The following DOCK11 variants were observed in gnomAD, a reference collection of about 807,000 sequenced individuals.
DOCK11 encodes the protein dedicator of cytokinesis protein 11.
In DOCK11, 70 loss-of-function variants were observed where a neutral mutation model predicts 169.1. The ratio of observed to expected loss-of-function variants is 0.41; its 90% CI spans 0.34 to 0.51. DOCK11 has a LOEUF of 0.51. Ranked by LOEUF, DOCK11 falls within the 20% of genes least tolerant of loss-of-function variation. The probability of loss-of-function intolerance (pLI) is 0.10; values close to 1 mark genes in which losing one functional copy is unlikely to be tolerated. For synonymous variants in DOCK11, 529 were observed against 541.3 expected (o/e 0.98, Z 0.32); for missense variants, 1,166 against 1,538.8 (o/e 0.76, Z 4.05).
intron 1 of DOCK11, among the ~76,000 whole-genome samples, chrX:118,535,912 G>C (rs752930652): frequency 1.8e-5 from 2 of 111,689 alleles, no homozygotes; most frequent in Non-Finnish European, 3.8e-5. Flanking sequence ...GTTCCTATTG[G>C]GGAAGAGACA....
chrX:118,602,506 C>T (rs905515308), intron 23 of DOCK11, among the ~76,000 whole-genome samples: 13 of 109,869 alleles, frequency 1.2e-4, no homozygotes, highest in Non-Finnish European at 1.9e-4. Context: ...GCTGAGGGTT[C>T]GGTGAACTGA....
Position 118,597,986 on chromosome X carries a change from T to C in DOCK11, c.2386-44T>C, listed in dbSNP as rs1294130706. The C allele has an allele frequency of 4.0e-6, 4 of 996,468 alleles. No individual in the cohort carries two copies. The African/African-American group carries it at 7.6e-5, about 19-fold the overall frequency. 82.1% of individuals were successfully genotyped at this position (996,468 alleles called of 1,213,427 possible). ...GCATAAAGGTATTATATGTTATTCA[T>C]CTATCCATTATTATGTTATAGAATC... On this transcript the variant is annotated intron_variant, in intron 21 of 52. Transcript: ENST00000276202.
chrX:118,561,189 G>A (rs1292654109), intron 6 of DOCK11, among the ~76,000 whole-genome samples, 194 bp from the exon 7 acceptor site: 1 of 111,311 alleles, frequency 9.0e-6, no homozygotes, highest in Non-Finnish European at 1.9e-5. Flanking sequence ...ATTAACTGAG[G>A]GTAAATCATG....
chrX:118,624,195 A>G (rs1029128108), intron 31 of DOCK11, among the ~76,000 whole-genome samples: 2 of 113,054 alleles, frequency 1.8e-5, no homozygotes, highest in East Asian at 2.8e-4. Flanking sequence ...CAAGACAGAC[A>G]CTGTCCCTGC....
At chrX:118,663,715 G>A (rs957775725) in intron 45 of DOCK11, among the ~76,000 whole-genome samples, 4 of 84,815 alleles carry the variant, frequency 4.7e-5, no homozygotes, top group South Asian at 7.5e-4. Flanking sequence ...TCGCTATGTC[G>A]CCAGGCTGGA....
chrX:118,613,260 A>G (rs1253010841), intron 28 of DOCK11, among the ~76,000 whole-genome samples: 2 of 112,375 alleles, frequency 1.8e-5, no homozygotes, highest in Admixed American at 1.9e-4. Context: ...ATGCTGGAAT[A>G]AATAAATATG....
chrX:118,577,208 C>T (rs1335899956), intron 12 of DOCK11, among the ~76,000 whole-genome samples: 6 of 112,220 alleles, frequency 5.3e-5, no homozygotes, highest in Non-Finnish European at 1.1e-4. Context: ...ACACTGCACT[C>T]AAGGTGCACT....
At chrX:118,672,857 G>A (rs1025579133) in intron 46 of DOCK11, among the ~76,000 whole-genome samples, 4 of 112,483 alleles carry the variant, frequency 3.6e-5, no homozygotes, top group Non-Finnish European at 7.5e-5. Context: ...AACTAGCTCT[G>A]ATCAAATTCA....
intron 14 of DOCK11, among the ~76,000 whole-genome samples, chrX:118,580,662 A>AT (rs58581896): frequency 0.39 from 40,664 of 104,478 alleles, 6,292 homozygotes; most frequent in African/African-American, 0.49. Flanking sequence ...AGACCCTCTC[A>AT]TTTTTTTTTT....
At chrX:118,675,652 CTATG>C (rs1473194285) in intron 46 of DOCK11, among the ~76,000 whole-genome samples, 1 of 109,238 alleles carries the variant, frequency 9.2e-6, no homozygotes, top group African/African-American at 3.3e-5. Flanking sequence ...ACACATCTAT[CTATG>C]TAACAAACCT....
chrX:118,677,497 A>C (rs770936298), intron 48 of DOCK11, among the ~76,000 whole-genome samples: 10 of 112,321 alleles, frequency 8.9e-5, no homozygotes, highest in African/African-American at 2.9e-4. Flanking sequence ...TATAAAGTTC[A>C]AGATTTGTAT....
intron 1 of DOCK11, among the ~76,000 whole-genome samples, chrX:118,510,590 G>T (rs912346226): frequency 9.0e-6 from 1 of 111,425 alleles, no homozygotes; most frequent in African/African-American, 3.3e-5. Context: ...GTAGGGGTGT[G>T]TGTGGGTGTG....
chrX:118,534,576 C>A (rs1433680434), intron 1 of DOCK11, among the ~76,000 whole-genome samples: 1 of 111,833 alleles, frequency 8.9e-6, no homozygotes. Context: ...GATTTAAAGG[C>A]CTTCGAAATC....
rs751996305 is a variant in DOCK11, at chrX:118,630,654, C to T, written c.3886+164C>T. 2.0e-3 allele frequency among the ~76,000 whole-genome samples: 228 copies of T among 112,142 alleles called. 1 individual carries two copies. The highest frequency in any genetic ancestry group is 0.014 in the Middle Eastern group (3 of 218). On this transcript the variant is annotated intron_variant, in intron 35 of 52. Coordinates refer to ENST00000276202, the MANE Select transcript of DOCK11 (RefSeq NM_144658.4). ...TTAAAATGTTTCTTAAATTGAACTT[C>T]AAAATAGGTTCATGTCAGTCACACA... is the stretch of plus-strand genomic sequence containing the variant.
chrX:118,496,108 G>C (rs2057534719), intron 1 of DOCK11, 35 bp downstream of exon 1: 1 of 925,815 alleles, frequency 1.1e-6, no homozygotes, highest in Non-Finnish European at 1.4e-6. Context: ...CCCGGGGGAC[G>C]CGCTCCAGGC....
intron 40 of DOCK11, among the ~76,000 whole-genome samples, chrX:118,647,971 T>A (rs867319143): frequency 2.4e-4 from 9 of 37,764 alleles, no homozygotes; most frequent in East Asian, 5.5e-4. Flanking sequence ...AATATATAAT[T>A]ATATATAATA....
At chrX:118,525,051 A>G (rs1339823753) in intron 1 of DOCK11, among the ~76,000 whole-genome samples, 1 of 110,514 alleles carries the variant, frequency 9.0e-6, no homozygotes. Context: ...AGGCTGAGGC[A>G]GGAGAATCAC....
chrX:118,595,628 A>T (rs1439547908), intron 20 of DOCK11, among the ~76,000 whole-genome samples: 1 of 112,254 alleles, frequency 8.9e-6, no homozygotes, highest in African/African-American at 3.2e-5. Context: ...CTGATTCATT[A>T]TCCAAATCCT....
At chrX:118,587,391 A>T (rs771013039) in intron 16 of DOCK11, among the ~76,000 whole-genome samples, 2 of 111,906 alleles carry the variant, frequency 1.8e-5, no homozygotes, top group Non-Finnish European at 3.8e-5. Flanking sequence ...CTACCTCCAG[A>T]TGCTCTGTTA....
Sources: allele counts gnomAD v4.1 joint callset (sites outside exome capture counted in the v4.1 genomes callset), GRCh38; gene constraint gnomAD v4.1.1; transcripts MANE v1.5; gene names NCBI Gene and HGNC (gene_info 2026-07-23, HGNC 2026-07-21).